FMN2: variants seen among roughly 807,000 people sequenced by gnomAD.
The protein encoded by FMN2 is formin-2.
In FMN2, 51 loss-of-function variants were observed where a neutral mutation model predicts 142.3. That is an observed-to-expected ratio of 0.36 (90% confidence interval 0.29 to 0.45). The LOEUF is 0.45. Among genes scored for constraint, FMN2 ranks in the 20% least tolerant of loss-of-function variants. FMN2 has a pLI of 1.00. For missense variants in FMN2, 1,936 were observed against 2,122.8 expected (o/e 0.91, Z 1.73); for synonymous variants, 882 against 869.8 (o/e 1.01, Z -0.25).
chr1:240,263,209 T>C (rs537333297), intron 7 of FMN2, among the ~76,000 whole-genome samples: 1 of 152,310 alleles, frequency 6.6e-6, no homozygotes, highest in Non-Finnish European at 1.5e-5. Flanking sequence ...AAAACCCTGC[T>C]TCATAAACTT....
In FMN2 at chr1:240,170,375, G is replaced by A. The variant is rs958761418; in HGVS notation, c.1783-7546G>A. On this transcript the variant is annotated intron_variant, in intron 2 of 17. Coordinates refer to ENST00000319653, the MANE Select transcript of FMN2 (RefSeq NM_020066.5). ...TTTCCAGTGATCTTGGGACATGAAG[G>A]TGCTGGAATTGTGGGAAGTGTTGGT... The A allele has an allele frequency of 5.0e-6, 6 of 1,191,074 alleles. No individual in the cohort carries two copies. The African/African-American group carries it at 9.0e-5, about 18-fold the overall frequency. The allele number at this position is 1,191,074 out of a possible 1,614,324, so 73.8% of individuals were successfully genotyped here.
intron 15 of FMN2, among the ~76,000 whole-genome samples, chr1:240,425,681 G>A (rs1339466690): frequency 6.6e-6 from 1 of 152,158 alleles, no homozygotes; most frequent in Non-Finnish European, 1.5e-5. Context: ...CATATATTTG[G>A]TAAGCAGAGA....
intron 6 of FMN2, among the ~76,000 whole-genome samples, chr1:240,253,598 G>T (rs746209664): frequency 6.6e-6 from 1 of 152,076 alleles, no homozygotes; most frequent in Non-Finnish European, 1.5e-5. Context: ...CTTCATGAAT[G>T]TCTTTTTCAT....
intron 6 of FMN2, among the ~76,000 whole-genome samples, chr1:240,238,404 T>G (rs1462770419): frequency 6.6e-6 from 1 of 152,322 alleles, no homozygotes; most frequent in Non-Finnish European, 1.5e-5. Context: ...TAAAACTTAT[T>G]TGGTGAATAC....
chr1:240,444,830 AG>A (rs1250185899), intron 16 of FMN2, among the ~76,000 whole-genome samples: 1 of 152,238 alleles, frequency 6.6e-6, no homozygotes, highest in Non-Finnish European at 1.5e-5. Context: ...AAGTTTAAGA[AG>A]GAAGAGACCA....
intron 1 of FMN2, among the ~76,000 whole-genome samples, chr1:240,104,103 C>T (rs1325247484): frequency 6.6e-6 from 1 of 151,332 alleles, no homozygotes; most frequent in Non-Finnish European, 1.5e-5. Flanking sequence ...TGGTCTCGAT[C>T]TCCTGACCTC....
intron 6 of FMN2, among the ~76,000 whole-genome samples, chr1:240,249,757 G>A (rs1668215786): frequency 6.6e-6 from 1 of 151,974 alleles, no homozygotes; most frequent in Admixed American, 6.6e-5. Context: ...ATTCGTTTCT[G>A]TCCTCTTCAA....
At chr1:240,442,949 G>T (rs1423483443) in intron 16 of FMN2, among the ~76,000 whole-genome samples, 1 of 152,184 alleles carries the variant, frequency 6.6e-6, no homozygotes, top group Non-Finnish European at 1.5e-5. Flanking sequence ...ATACAGTCTT[G>T]CAGTGTTATC....
chr1:240,406,362 CGAAGGGAAGCAGCCTCGGGAGTGG>C, intron 15 of FMN2, among the ~76,000 whole-genome samples: 1 of 128,282 alleles, frequency 7.8e-6, no homozygotes, highest in Non-Finnish European at 1.7e-5. Flanking sequence ...GTGGGGGGAG[CGAAGGGAAGCAGCCTCGGGAGTGG>C]GGGAATGGGT....
At chr1:240,454,484 A>G (rs1218826826) in intron 16 of FMN2, among the ~76,000 whole-genome samples, 3 of 152,180 alleles carry the variant, frequency 2.0e-5, no homozygotes, top group African/African-American at 4.8e-5. Flanking sequence ...AGAGGTTGCA[A>G]TGAGCTGAGA....
chr1:240,450,983 G>C (rs1452439182), intron 16 of FMN2, among the ~76,000 whole-genome samples: 1 of 152,184 alleles, frequency 6.6e-6, no homozygotes, highest in Admixed American at 6.5e-5. Flanking sequence ...TTGTGCTACT[G>C]TACGGTCAGA....
chr1:240,193,408 T>C (rs1665790673), intron 4 of FMN2, among the ~76,000 whole-genome samples: 1 of 152,216 alleles, frequency 6.6e-6, no homozygotes, highest in Non-Finnish European at 1.5e-5. Context: ...AATGTAATTC[T>C]GCCAAGATAA....
Position 240,166,236 on chromosome 1 carries a change from A to AT in FMN2, c.1783-11676dup, listed in dbSNP as rs1042645952. ...ATTAGCTCATGTATTATTATTATTA[A>AT]TTTTTTTTTGGAGACAGAGTTTCGC... On this transcript the variant is annotated intron_variant, in intron 2 of 17. Transcript: ENST00000319653. 1.8e-3 allele frequency among the ~76,000 whole-genome samples: 272 copies of AT among 150,132 alleles called. 1 individual carries two copies. Among genetic ancestry groups the AT allele is most frequent in the South Asian group, 3.0e-3 (14 of 4,744 alleles).
chr1:240,350,816 G>A (rs1672071972), intron 13 of FMN2, among the ~76,000 whole-genome samples: 1 of 152,200 alleles, frequency 6.6e-6, no homozygotes, highest in Admixed American at 6.5e-5. Context: ...TGGATAAGTA[G>A]AAGTTCAAAA....
intron 16 of FMN2, among the ~76,000 whole-genome samples, chr1:240,468,289 CATATACATATGCACACACACAT>C (rs1478751111): frequency 1.4e-4 from 21 of 151,782 alleles, no homozygotes; most frequent in South Asian, 1.0e-3. Flanking sequence ...TGCACACACA[CATATACATATGCACACACACAT>C]ATATACATAT....
chr1:240,364,201 A>G (rs1672587183), intron 14 of FMN2, among the ~76,000 whole-genome samples: 1 of 152,164 alleles, frequency 6.6e-6, no homozygotes, highest in Admixed American at 6.5e-5. Flanking sequence ...TGGCAAAGTC[A>G]GGCTGGAACC....
At chr1:240,121,842 T>G (rs751311923) in intron 1 of FMN2, among the ~76,000 whole-genome samples, 1 of 150,972 alleles carries the variant, frequency 6.6e-6, no homozygotes, top group African/African-American at 2.4e-5. Context: ...TTATCCCTTT[T>G]CTGGGTGACT....
At chr1:240,143,910 C>T (rs527633687) in intron 2 of FMN2, 39 of 1,558,916 alleles carry the variant, frequency 2.5e-5, no homozygotes, top group South Asian at 1.0e-4. Flanking sequence ...TTTGAGCCAG[C>T]GTAGGCCAAG....
At position 240,169,891 on chromosome 1, in the gene FMN2, A is replaced by G. The variant is rs115498883; in HGVS notation, c.1783-8030A>G. 2.3e-3 allele frequency among the ~76,000 whole-genome samples: 357 copies of G among 152,252 alleles called. 4 individuals are homozygous for G. The highest frequency in any genetic ancestry group is 8.5e-3 in the African/African-American group (352 of 41,532). The stretch of plus-strand genomic sequence containing the variant: ...CAAACTGTGGCATCAGGTGGGAGAT[A>G]GTACTTTATGGAATATCTGGGATAT... On this transcript the variant is annotated intron_variant, in intron 2 of 17. Coordinates refer to ENST00000319653, the MANE Select transcript of FMN2 (RefSeq NM_020066.5).
Sources: allele counts gnomAD v4.1 joint callset (sites outside exome capture counted in the v4.1 genomes callset), GRCh38; gene constraint gnomAD v4.1.1; transcripts MANE v1.5; gene names NCBI Gene and HGNC (gene_info 2026-07-23, HGNC 2026-07-21).